Variants in RARB observed in about 807,000 individuals in gnomAD.
RARB encodes the protein retinoic acid receptor beta.
In RARB, 17 loss-of-function variants were observed where a neutral mutation model predicts 51.9. The ratio of observed to expected loss-of-function variants is 0.33; its 90% CI spans 0.22 to 0.49. The LOEUF (loss-of-function observed/expected upper bound fraction) is 0.49. Among genes scored for constraint, RARB ranks in the 20% least tolerant of loss-of-function variants. RARB has a pLI of 0.99. For missense variants in RARB, 369 were observed against 550.8 expected (o/e 0.67, Z 3.30); for synonymous variants, 215 against 195.4 (o/e 1.10, Z -0.84).
rs921052188 is a variant in RARB at position 24,939,430 on chromosome 3, G to C, written c.-380+80678G>C. Reference sequence around the variant, plus strand: ...TTTATAGAAGTGATAAATGCAGGCTGCATTATATAGTCTTTTTAAATCTAG... The same window carrying C: ...TTTATAGAAGTGATAAATGCAGGCTCCATTATATAGTCTTTTTAAATCTAG... On this transcript the variant is annotated intron_variant, in intron 2 of 11. Coordinates refer to the RARB transcript ENST00000383772. Among the ~76,000 whole-genome samples, 4 of 152,276 alleles carry C rather than the reference G, an allele frequency of 2.6e-5. No homozygotes were observed. The East Asian group carries it at 7.7e-4, about 29-fold the overall frequency.
intron 2 of RARB, among the ~76,000 whole-genome samples, chr3:24,923,834 G>A (rs1695265573): frequency 1.3e-5 from 2 of 152,190 alleles, no homozygotes; most frequent in African/African-American, 4.8e-5. Context: ...CTAGATTGTG[G>A]TGAATGTTTA....
At chr3:25,276,138 C>T (rs1329378110) in intron 5 of RARB, among the ~76,000 whole-genome samples, 1 of 152,002 alleles carries the variant, frequency 6.6e-6, no homozygotes, top group Non-Finnish European at 1.5e-5. Context: ...CATGTAAAAG[C>T]CTTAGAATAT....
chr3:24,920,275 C>T (rs1221839003), intron 2 of RARB, among the ~76,000 whole-genome samples: 4 of 152,204 alleles, frequency 2.6e-5, no homozygotes, highest in East Asian at 1.9e-4. Context: ...CAATGGAAAT[C>T]GTGTTAATCC....
At chr3:25,512,697 G>A (rs1019057641) in intron 3 of RARB, among the ~76,000 whole-genome samples, 26 of 152,168 alleles carry the variant, frequency 1.7e-4, no homozygotes, top group African/African-American at 5.1e-4. Context: ...ACATACACGC[G>A]ACACACTTTT....
At chr3:25,456,775 T>G (rs1359895111) in intron 1 of RARB, among the ~76,000 whole-genome samples, 3 of 151,042 alleles carry the variant, frequency 2.0e-5, no homozygotes, top group South Asian at 2.1e-4. Flanking sequence ...TGATTTTTTT[T>G]GGGGATCGTA....
At chr3:24,882,775 T>C (rs1703192123) in intron 2 of RARB, among the ~76,000 whole-genome samples, 1 of 152,128 alleles carries the variant, frequency 6.6e-6, no homozygotes, top group Non-Finnish European at 1.5e-5. Context: ...GCTGATTTTG[T>C]CCAGGAATGC....
intron 4 of RARB, among the ~76,000 whole-genome samples, chr3:25,155,289 C>G (rs1011566592): frequency 3.0e-4 from 45 of 152,112 alleles, no homozygotes; most frequent in African/African-American, 1.0e-3. Context: ...TTCTCTTCCC[C>G]CTGACCCCAG....
At chr3:25,593,251 A>T (rs1575549942) in intron 5 of RARB, among the ~76,000 whole-genome samples, 1 of 152,068 alleles carries the variant, frequency 6.6e-6, no homozygotes, top group Non-Finnish European at 1.5e-5. Context: ...TCAAGTAATG[A>T]ATTACTTTTA....
At chr3:25,309,410 A>G (rs1704232687) in intron 5 of RARB, among the ~76,000 whole-genome samples, 1 of 145,292 alleles carries the variant, frequency 6.9e-6, no homozygotes, top group Admixed American at 6.9e-5. Flanking sequence ...AAGTGCTGGG[A>G]TAACAGGCGT....
chr3:25,120,873 T>C (rs114447374), intron 3 of RARB, among the ~76,000 whole-genome samples: 8 of 152,282 alleles, frequency 5.3e-5, no homozygotes, highest in African/African-American at 1.4e-4. Flanking sequence ...ACACCCGTCA[T>C]TGACATATTG....
chr3:25,596,153 TCTAA>T (rs1441028657), intron 7 of RARB, among the ~76,000 whole-genome samples: 17 of 152,304 alleles, frequency 1.1e-4, no homozygotes, highest in East Asian at 3.9e-4. Context: ...GAGAACCCAA[TCTAA>T]CTAACTTTGC....
intron 2 of RARB, among the ~76,000 whole-genome samples, chr3:24,934,872 C>T (rs1312479333): frequency 6.6e-6 from 1 of 151,950 alleles, no homozygotes; most frequent in East Asian, 1.9e-4. Flanking sequence ...TATCAAGCAG[C>T]AAAAAGCAAA....
intron 5 of RARB, among the ~76,000 whole-genome samples, chr3:25,200,280 T>A (rs1227307289): frequency 6.6e-6 from 1 of 151,894 alleles, no homozygotes; most frequent in Non-Finnish European, 1.5e-5. Flanking sequence ...TTTGCCCACT[T>A]TCTGGTGGGT....
intron 5 of RARB, among the ~76,000 whole-genome samples, chr3:25,319,846 C>A (rs972518317): frequency 3.3e-5 from 5 of 152,150 alleles, no homozygotes; most frequent in Non-Finnish European, 5.9e-5. Flanking sequence ...GATATACTCT[C>A]AGTCACTTCT....
intron 2 of RARB, among the ~76,000 whole-genome samples, chr3:24,935,309 CTTAAT>C (rs756486613): frequency 1.3e-5 from 2 of 152,048 alleles, no homozygotes; most frequent in Non-Finnish European, 2.9e-5. Context: ...GAAAACAGTA[CTTAAT>C]TTATTTCCTT....
chr3:25,435,065 A>G (rs1482790971), intron 1 of RARB, among the ~76,000 whole-genome samples: 1 of 152,212 alleles, frequency 6.6e-6, no homozygotes, highest in East Asian at 1.9e-4. Flanking sequence ...GTCAAACAGA[A>G]GGATTTTATT....
intron 1 of RARB, among the ~76,000 whole-genome samples, chr3:25,450,031 T>A (rs1285485953): frequency 6.6e-6 from 1 of 152,158 alleles, no homozygotes; most frequent in Non-Finnish European, 1.5e-5. Flanking sequence ...GATTACAGGC[T>A]TAAGCCACTG....
intron 5 of RARB, among the ~76,000 whole-genome samples, chr3:25,196,108 C>T (rs1001866001): frequency 1.3e-5 from 2 of 151,772 alleles, no homozygotes; most frequent in Admixed American, 6.6e-5. Flanking sequence ...TCTAGGGTAC[C>T]TGTGCACAAA....
chr3:25,342,174 C>T (rs1015000811), intron 5 of RARB, among the ~76,000 whole-genome samples: 1 of 152,146 alleles, frequency 6.6e-6, no homozygotes, highest in East Asian at 1.9e-4. Context: ...TCAGGAATCA[C>T]GTGAAGTTTG....
Sources: gnomAD v4.1 joint callset for allele counts (sites outside exome capture counted in the v4.1 genomes callset) on GRCh38, gnomAD v4.1.1 for gene constraint, MANE v1.5 for transcripts, NCBI Gene and HGNC (gene_info 2026-07-23, HGNC 2026-07-21) for gene names.